PARD3B: variants seen among roughly 807,000 people sequenced by gnomAD.
PARD3B encodes par-3 family cell polarity regulator beta, also known as partitioning defective 3 homolog B.
A neutral mutation model predicts 130.2 loss-of-function variants in PARD3B; 103 were observed. The observed-to-expected ratio is 0.79, with a 90% CI of 0.67 to 0.93. The LOEUF (loss-of-function observed/expected upper bound fraction) is 0.93. Ranked by LOEUF, PARD3B falls within the 40% of genes least tolerant of loss-of-function variation. The pLI is 0.00. For missense variants in PARD3B, 1,609 were observed against 1,499.2 expected, an observed-to-expected ratio of 1.07 and a Z score of -1.21; for synonymous variants, 583 against 553.2, an observed-to-expected ratio of 1.05 and a Z score of -0.76.
chr2:205,605,700 G>T (rs983175875), intron 22 of PARD3B, among the ~76,000 whole-genome samples: 2 of 152,194 alleles, frequency 1.3e-5, no homozygotes, highest in African/African-American at 4.8e-5. Flanking sequence ...GGGAACCTCT[G>T]TTGGAGGGTC....
intron 20 of PARD3B, among the ~76,000 whole-genome samples, chr2:205,499,120 T>C (rs1437920062): frequency 6.6e-6 from 1 of 152,138 alleles, no homozygotes; most frequent in Non-Finnish European, 1.5e-5. Context: ...CCCTGTATAA[T>C]ATCATGTGAT....
At chr2:205,478,616 C>T (rs1270459513) in intron 20 of PARD3B, among the ~76,000 whole-genome samples, 1 of 151,356 alleles carries the variant, frequency 6.6e-6, no homozygotes, top group African/African-American at 2.5e-5. Flanking sequence ...ATTTCAGCTA[C>T]CTCGGCAGAG....
chr2:204,685,523 A>G (rs2037033339), intron 1 of PARD3B, among the ~76,000 whole-genome samples: 1 of 152,184 alleles, frequency 6.6e-6, no homozygotes, highest in South Asian at 2.1e-4. Flanking sequence ...TTAAAAAGCG[A>G]TAGTTGAACA....
At chr2:205,556,910 G>T (rs1211482831) in intron 22 of PARD3B, among the ~76,000 whole-genome samples, 1 of 152,064 alleles carries the variant, frequency 6.6e-6, no homozygotes, top group African/African-American at 2.4e-5. Context: ...CCAGCCGCTC[G>T]CAATTCTCCC....
At chr2:205,533,575 A>G (rs1013694604) in intron 21 of PARD3B, among the ~76,000 whole-genome samples, 1 of 152,198 alleles carries the variant, frequency 6.6e-6, no homozygotes. Flanking sequence ...TTTTTTTATC[A>G]TCGAGTTTAA....
chr2:204,952,036 T>A (rs1338447946), intron 2 of PARD3B, among the ~76,000 whole-genome samples: 1 of 152,168 alleles, frequency 6.6e-6, no homozygotes, highest in Non-Finnish European at 1.5e-5. Flanking sequence ...ATACATAAAA[T>A]GTTATTTTTT....
intron 1 of PARD3B, among the ~76,000 whole-genome samples, chr2:204,557,172 C>T: frequency 6.6e-6 from 1 of 152,080 alleles, no homozygotes; most frequent in East Asian, 1.9e-4. Context: ...CATGGCTTCA[C>T]CTACCCGTAA....
At chr2:205,025,492 A>G in intron 3 of PARD3B, among the ~76,000 whole-genome samples, 1 of 152,178 alleles carries the variant, frequency 6.6e-6, no homozygotes, top group East Asian at 1.9e-4. Context: ...CAATTAGACA[A>G]ATGAATTTTG....
At chr2:204,972,778 C>T (rs557979581) in intron 3 of PARD3B, among the ~76,000 whole-genome samples, 5 of 152,258 alleles carry the variant, frequency 3.3e-5, no homozygotes, top group East Asian at 1.9e-4. Flanking sequence ...CACACTGAGA[C>T]GGAGTCTGCA....
chr2:205,354,368 T>G (rs1173647575), intron 18 of PARD3B, among the ~76,000 whole-genome samples: 1 of 151,740 alleles, frequency 6.6e-6, no homozygotes, highest in African/African-American at 2.4e-5. Context: ...AAGGAAGAGG[T>G]TTTTTGGGTG....
chr2:205,429,737 G>A (rs888542789), intron 19 of PARD3B, among the ~76,000 whole-genome samples: 2 of 152,122 alleles, frequency 1.3e-5, no homozygotes, highest in East Asian at 1.9e-4. Context: ...TCATAGGGCC[G>A]CCATTTAACA....
intron 1 of PARD3B, among the ~76,000 whole-genome samples, chr2:204,598,459 G>C (rs1014702631): frequency 1.3e-5 from 2 of 152,022 alleles, no homozygotes; most frequent in Admixed American, 1.3e-4. Context: ...GTAACTTTGG[G>C]CAGGATATTT....
At chr2:205,581,993 A>G (rs2054007991) in intron 22 of PARD3B, among the ~76,000 whole-genome samples, 1 of 152,140 alleles carries the variant, frequency 6.6e-6, no homozygotes, top group East Asian at 1.9e-4. Context: ...ACACTTGGAA[A>G]TGACTAGATG....
At position 205,575,412 on chromosome 2, in the gene PARD3B, T is replaced by G. The variant is rs1356174282; in HGVS notation, c.3260+22009T>G. On this transcript the variant is annotated intron_variant, in intron 22 of 22. Coordinates refer to ENST00000406610, the MANE Select transcript of PARD3B (RefSeq NM_001302769.2). The surrounding 1 kb of genome is among the most constrained non-coding windows in gnomAD (Gnocchi z 4.6). ...CAAAGCCCATAGTTTACATTAGCGC[T>G]CTCTCGGTGTTGTTCATTCTGTGGG... Among the ~76,000 whole-genome samples the G allele has an allele frequency of 6.6e-6, 1 of 151,708 alleles. No homozygotes were observed. Among genetic ancestry groups the G allele is most frequent in the African/African-American group, 2.4e-5 (1 of 41,288 alleles).
In PARD3B at chr2:205,615,454, A is replaced by T. The variant is rs367572022; in HGVS notation, c.3261-2A>T. 1 of 1,585,330 alleles carries T rather than the reference A, an allele frequency of 6.3e-7. No homozygotes were observed. On this transcript the variant is annotated splice_acceptor_variant, in intron 22 of 22. Coordinates refer to ENST00000406610, the MANE Select transcript of PARD3B (RefSeq NM_001302769.2). LOFTEE classifies it high-confidence loss of function. ...AACATGTGTCTCTTCTTCTCTTTCC[A>T]GGGGAGGACCCGCAGATCCTGTAGA...
chr2:205,177,121 A>G (rs1418983770), intron 13 of PARD3B, among the ~76,000 whole-genome samples: 3 of 152,032 alleles, frequency 2.0e-5, no homozygotes, highest in Non-Finnish European at 4.4e-5. Context: ...TTTCTAGCTG[A>G]CTCCAGATGT....
At chr2:205,448,200 T>A (rs1474123737) in intron 20 of PARD3B, among the ~76,000 whole-genome samples, 2 of 152,222 alleles carry the variant, frequency 1.3e-5, no homozygotes, top group East Asian at 3.9e-4. Flanking sequence ...GGGGAATGTG[T>A]ACACTAAAGT....
chr2:205,059,420 T>C (rs955542471), intron 4 of PARD3B, among the ~76,000 whole-genome samples: 1 of 152,080 alleles, frequency 6.6e-6, no homozygotes, highest in Non-Finnish European at 1.5e-5. Flanking sequence ...TTTCTTCTGC[T>C]GGAAGAATGA....
At position 205,450,023 on chromosome 2, in the gene PARD3B, A is replaced by G. The variant is rs187319250; in HGVS notation, c.3044+9351A>G. Among the ~76,000 whole-genome samples, 554 of 152,310 alleles carry G rather than the reference A, an allele frequency of 3.6e-3. 4 individuals are homozygous for G. The highest frequency in any genetic ancestry group is 0.011 in the African/African-American group (469 of 41,570). ...TTTATCTTTCCAGGGCCTTGGTTCA[A>G]ATGTATTAATTTTTCAAAGCCTGAT... On this transcript the variant is annotated intron_variant, in intron 20 of 22. Transcript: ENST00000406610.
Sources: gnomAD v4.1 joint callset for allele counts (sites outside exome capture counted in the v4.1 genomes callset) on GRCh38, gnomAD v4.1.1 for gene constraint, Gnocchi (gnomAD v3.1) non-coding constraint, MANE v1.5 for transcripts, NCBI Gene and HGNC (gene_info 2026-07-23, HGNC 2026-07-21) for gene names.